The following HM13 variants were observed in gnomAD, a reference collection of about 807,000 sequenced individuals.
HM13 encodes the protein signal peptide peptidase.
Under a neutral mutation model 50.0 loss-of-function variants are expected in HM13, and 18 were observed. The observed-to-expected ratio is 0.36, with a 90% CI of 0.25 to 0.53. HM13 has a LOEUF of 0.53. Among genes scored for constraint, HM13 ranks in the 20% least tolerant of loss-of-function variants. HM13 has a pLI of 0.90. For missense variants in HM13, 393 were observed against 552.4 expected, an observed-to-expected ratio of 0.71 and a Z score of 2.89; for synonymous variants, 197 against 232.6, an observed-to-expected ratio of 0.85 and a Z score of 1.39.
intron 1 of HM13, among the ~76,000 whole-genome samples, chr20:31,524,914 C>A (rs933354929): frequency 1.3e-5 from 2 of 151,936 alleles, no homozygotes; most frequent in African/African-American, 2.4e-5. Flanking sequence ...GGGGTTTCAC[C>A]ACGTTAGCCA....
chr20:31,531,024 C>A (rs6058033), intron 2 of HM13, among the ~76,000 whole-genome samples: 2 of 151,956 alleles, frequency 1.3e-5, no homozygotes, highest in African/African-American at 4.8e-5. Flanking sequence ...TAGTTTTTTC[C>A]AGTCTGTGAG....
intron 4 of HM13, among the ~76,000 whole-genome samples, chr20:31,545,341 T>G (rs2122610959): frequency 6.6e-6 from 1 of 151,008 alleles, no homozygotes; most frequent in East Asian, 1.9e-4. Flanking sequence ...GTGGAAAGCA[T>G]TCAGCATGGT....
intron 8 of HM13, among the ~76,000 whole-genome samples, chr20:31,558,366 G>C (rs974508476): frequency 6.6e-6 from 1 of 152,044 alleles, no homozygotes; most frequent in Non-Finnish European, 1.5e-5. Context: ...GTTCTGCTCA[G>C]AACTCCTCCA....
chr20:31,546,861 G>A (rs995195592), intron 4 of HM13, among the ~76,000 whole-genome samples: 1 of 151,714 alleles, frequency 6.6e-6, no homozygotes, highest in African/African-American at 2.4e-5. Flanking sequence ...CCTGGAGTTC[G>A]AGGCTGCAGT....
Position 31,514,492 on chromosome 20 carries a change from C to G in HM13, c.-60C>G. Reference sequence around the variant, plus strand: ...GGCTTTCCCTGCAGAGCCGGTGTCTCCGCCTGCGTCCCTGCTGCAGCAACC... The same window carrying G: ...GGCTTTCCCTGCAGAGCCGGTGTCTGCGCCTGCGTCCCTGCTGCAGCAACC... On this transcript the variant is annotated 5_prime_UTR_variant, in exon 1 of 13. Coordinates refer to ENST00000398174, the MANE Select transcript of HM13 (RefSeq NM_178581.3). The surrounding 1 kb of genome is among the most constrained non-coding windows in gnomAD (Gnocchi z 4.3). 1.9e-6 allele frequency: 3 copies of G among 1,543,430 alleles called. No individual in the cohort carries two copies. Among genetic ancestry groups the G allele is most frequent in the East Asian group, 2.4e-5 (1 of 42,328 alleles).
At position 31,527,817 on chromosome 20, in the gene HM13, T is replaced by C. The variant is rs532192856; in HGVS notation, c.282+235T>C. The C allele has an allele frequency of 2.5e-5, 12 of 475,652 alleles. No individual in the cohort carries two copies. The African/African-American group carries it at 3.3e-4, about 13-fold the overall frequency. The allele number at this position is 475,652 out of a possible 1,614,324, so 29.5% of individuals were successfully genotyped here. On this transcript the variant is annotated intron_variant, in intron 2 of 12. Transcript: ENST00000398174. Reference sequence around the variant, plus strand: ...AGCTTTTTGTTTTGTTTTTGTGATATCAGTTTGGTTTCATTGTACTGTTTA... The same window carrying C: ...AGCTTTTTGTTTTGTTTTTGTGATACCAGTTTGGTTTCATTGTACTGTTTA...
chr20:31,548,058 A>G, intron 4 of HM13: 1 of 1,541,190 alleles, frequency 6.5e-7, no homozygotes, highest in South Asian at 1.1e-5. Flanking sequence ...GAGCCTCAGA[A>G]GGAATGCATT....
intron 2 of HM13, among the ~76,000 whole-genome samples, chr20:31,537,757 G>A (rs993338372): frequency 2.0e-5 from 3 of 152,156 alleles, no homozygotes; most frequent in Admixed American, 1.3e-4. Context: ...GCATGCTTGC[G>A]GCCTGGGTGG....
chr20:31,550,278 T>C, intron 7 of HM13, 157 bp downstream of exon 7: 1 of 648,242 alleles, frequency 1.5e-6, no homozygotes. Context: ...AATTGATTCA[T>C]CTGGCTGTGT....
rs765765150 is a variant in HM13, at chr20:31,514,502, C to T, written c.-50C>T. 53 of 1,568,322 alleles carry T rather than the reference C, an allele frequency of 3.4e-5. No individual in the cohort carries two copies. In the South Asian group the frequency reaches 5.7e-4, roughly 17 times the overall value. On this transcript the variant is annotated 5_prime_UTR_variant, in exon 1 of 13. Coordinates refer to ENST00000398174, the MANE Select transcript of HM13 (RefSeq NM_178581.3). The surrounding 1 kb of genome is among the most constrained non-coding windows in gnomAD (Gnocchi z 4.3). ...GCAGAGCCGGTGTCTCCGCCTGCGTCCCTGCTGCAGCAACCGGAGCTGGAG... is the reference window on the plus strand; with the variant it reads ...GCAGAGCCGGTGTCTCCGCCTGCGTTCCTGCTGCAGCAACCGGAGCTGGAG...
intron 2 of HM13, among the ~76,000 whole-genome samples, chr20:31,537,297 C>T (rs1363543138): frequency 6.6e-6 from 1 of 152,172 alleles, no homozygotes; most frequent in African/African-American, 2.4e-5. Flanking sequence ...GTGGCCACCA[C>T]GAGGGCAAGA....
chr20:31,549,347 G>T lies in HM13; in HGVS notation c.666+15G>T, dbSNP rs368228901. On this transcript the variant is annotated intron_variant, in intron 6 of 12. Transcript: ENST00000398174. ...ATGTCTTCTGGGTGAGTCAGGCAGG[G>T]ATGCCAAGGATGTCTGGCTCCGGGG... 6 of 1,613,896 alleles carry T rather than the reference G, an allele frequency of 3.7e-6. No individual in the cohort carries two copies. In the African/African-American group the frequency reaches 6.7e-5, roughly 18 times the overall value.
At chr20:31,522,984 T>C (rs1260815820) in intron 1 of HM13, among the ~76,000 whole-genome samples, 1 of 149,666 alleles carries the variant, frequency 6.7e-6, no homozygotes, top group Non-Finnish European at 1.5e-5. Context: ...CACAGTGATA[T>C]ACATGTCTAT....
At chr20:31,544,002 TC>T (rs1220195894) in intron 3 of HM13, among the ~76,000 whole-genome samples, 1 of 152,142 alleles carries the variant, frequency 6.6e-6, no homozygotes, top group Non-Finnish European at 1.5e-5. Flanking sequence ...GCCTGCCTCA[TC>T]CCTGCTAAAG....
At chr20:31,526,575 A>G (rs1275406785) in intron 1 of HM13, among the ~76,000 whole-genome samples, 1 of 152,088 alleles carries the variant, frequency 6.6e-6, no homozygotes, top group African/African-American at 2.4e-5. Context: ...GTTCTTTTTC[A>G]TGTAAATATT....
At chr20:31,534,393 G>A (rs1178564205) in intron 2 of HM13, among the ~76,000 whole-genome samples, 1 of 152,060 alleles carries the variant, frequency 6.6e-6, no homozygotes, top group Non-Finnish European at 1.5e-5. Context: ...GAGAGGGGAG[G>A]ACCCCTGGGC....
intron 2 of HM13, among the ~76,000 whole-genome samples, chr20:31,536,492 G>C (rs1188369435): frequency 3.9e-5 from 6 of 152,094 alleles, no homozygotes; most frequent in Non-Finnish European, 8.8e-5. Flanking sequence ...TAGCCCTGCA[G>C]GGTCTTCTAC....
chr20:31,531,942 G>A (rs1020831846), intron 2 of HM13, among the ~76,000 whole-genome samples: 5 of 151,886 alleles, frequency 3.3e-5, no homozygotes, highest in Non-Finnish European at 5.9e-5. Context: ...GCCTGGACAC[G>A]AATGTTACCC....
At position 31,550,059 on chromosome 20, in the gene HM13, T is replaced by C; in HGVS notation, c.667-5T>C. ...CTTCATACTGCTCTTTTTTTCTCCTTCTAGGTATTTGGCACCAATGTGATG... is the reference window on the plus strand; with the variant it reads ...CTTCATACTGCTCTTTTTTTCTCCTCCTAGGTATTTGGCACCAATGTGATG... On this transcript the variant is annotated splice_polypyrimidine_tract_variant and splice_region_variant and intron_variant, in intron 6 of 12. Transcript: ENST00000398174. 5 of 1,612,786 alleles carry C rather than the reference T, an allele frequency of 3.1e-6. No homozygotes were observed. The highest frequency in any genetic ancestry group is 4.2e-6 in the Non-Finnish European group (5 of 1,178,884).
Sources: allele counts gnomAD v4.1 joint callset (sites outside exome capture counted in the v4.1 genomes callset), GRCh38; gene constraint gnomAD v4.1.1; non-coding constraint Gnocchi (gnomAD v3.1); transcripts MANE v1.5; gene names NCBI Gene and HGNC (gene_info 2026-07-23, HGNC 2026-07-21).